The following TAFA1 variants were observed in gnomAD, a reference collection of about 807,000 sequenced individuals.
TAFA1 encodes chemokine-like protein TAFA-1.
TAFA1 carries 4 observed loss-of-function variants against 18.5 expected under a neutral mutation model. The observed-to-expected ratio is 0.22, with a 90% CI of 0.11 to 0.49. TAFA1 has a LOEUF of 0.49. Among genes scored for constraint, TAFA1 ranks in the 20% least tolerant of loss-of-function variants. The pLI, the probability that TAFA1 is intolerant of heterozygous loss-of-function variation, is 0.98. For missense variants in TAFA1, 147 were observed against 169.0 expected (o/e 0.87, Z 0.72); for synonymous variants, 56 against 55.2 (o/e 1.01, Z -0.06).
chr3:68,334,363 G>C (rs1031347683), intron 2 of TAFA1, among the ~76,000 whole-genome samples: 2 of 152,132 alleles, frequency 1.3e-5, no homozygotes, highest in Non-Finnish European at 2.9e-5. Context: ...TTTTGTTGTT[G>C]TTGTTGTTGT....
At chr3:68,229,612 T>A (rs1488769209) in intron 2 of TAFA1, among the ~76,000 whole-genome samples, 1 of 152,234 alleles carries the variant, frequency 6.6e-6, no homozygotes, top group Non-Finnish European at 1.5e-5. Context: ...AAGATGATTA[T>A]AACATAGTTG....
intron 3 of TAFA1, among the ~76,000 whole-genome samples, chr3:68,442,437 G>A (rs1357097337): frequency 1.3e-5 from 2 of 152,062 alleles, no homozygotes; most frequent in African/African-American, 2.4e-5. Flanking sequence ...ATTCATAAGG[G>A]CAGAGCACTC....
At chr3:68,053,426 T>A (rs1370955245) in intron 2 of TAFA1, among the ~76,000 whole-genome samples, 1 of 152,102 alleles carries the variant, frequency 6.6e-6, no homozygotes, top group African/African-American at 2.4e-5. Context: ...ACCTGTAGAG[T>A]CTGATGGTAC....
At chr3:68,316,649 A>G (rs2068610772) in intron 2 of TAFA1, among the ~76,000 whole-genome samples, 1 of 152,112 alleles carries the variant, frequency 6.6e-6, no homozygotes, top group South Asian at 2.1e-4. Flanking sequence ...TTAGATTCCA[A>G]TTTTTATAAC....
chr3:68,001,560 G>A (rs960730374), upstream of TAFA1, among the ~76,000 whole-genome samples: 1 of 150,080 alleles, frequency 6.7e-6, no homozygotes, highest in African/African-American at 2.5e-5. Flanking sequence ...CAGTAGTTGG[G>A]TTTTATTTTG....
intron 2 of TAFA1, among the ~76,000 whole-genome samples, chr3:68,271,867 T>A (rs952767072): frequency 2.0e-5 from 3 of 151,782 alleles, no homozygotes; most frequent in Non-Finnish European, 4.4e-5. Flanking sequence ...CACATTTAAA[T>A]ATATACAATG....
intron 3 of TAFA1, among the ~76,000 whole-genome samples, chr3:68,458,309 G>T (rs1308068823): frequency 1.3e-5 from 2 of 152,092 alleles, no homozygotes; most frequent in Non-Finnish European, 2.9e-5. Context: ...TGTACAGTCT[G>T]TGGAGCTATA....
chr3:68,333,147 C>T (rs991475263), intron 2 of TAFA1, among the ~76,000 whole-genome samples: 1 of 152,100 alleles, frequency 6.6e-6, no homozygotes, highest in Non-Finnish European at 1.5e-5. Flanking sequence ...AAATCCTATT[C>T]TTGGGTATAT....
intron 2 of TAFA1, among the ~76,000 whole-genome samples, chr3:68,307,254 G>T (rs1162239342): frequency 2.0e-5 from 3 of 152,058 alleles, no homozygotes; most frequent in Admixed American, 2.0e-4. Context: ...GTGTTTATTT[G>T]TACCTCATTT....
At chr3:68,032,606 C>T (rs1030737177) in intron 2 of TAFA1, among the ~76,000 whole-genome samples, 3 of 152,132 alleles carry the variant, frequency 2.0e-5, no homozygotes, top group Non-Finnish European at 2.9e-5. Context: ...CATGTTCATC[C>T]AGACTCCAAA....
chr3:68,360,820 A>T lies in TAFA1; in HGVS notation c.119-56460A>T, dbSNP rs185546453. Reference sequence around the variant, plus strand: ...AGCATTTTGACAACATAATGCAGCCATGAAAAAAGTTTGGTACTCTAATGA... The same window carrying T: ...AGCATTTTGACAACATAATGCAGCCTTGAAAAAAGTTTGGTACTCTAATGA... On this transcript the variant is annotated intron_variant, in intron 2 of 4. Coordinates refer to ENST00000478136, the MANE Select transcript of TAFA1 (RefSeq NM_213609.4). 4.1e-3 allele frequency among the ~76,000 whole-genome samples: 625 copies of T among 152,150 alleles called. 5 individuals carry two copies. Among genetic ancestry groups the T allele is most frequent in the Non-Finnish European group, 5.5e-3 (375 of 67,952 alleles).
intron 2 of TAFA1, among the ~76,000 whole-genome samples, chr3:68,270,871 T>C (rs1260332622): frequency 6.6e-6 from 1 of 152,172 alleles, no homozygotes; most frequent in Non-Finnish European, 1.5e-5. Context: ...ACATGAGCTT[T>C]TGTTTTTTAA....
intron 2 of TAFA1, among the ~76,000 whole-genome samples, chr3:68,097,051 G>C (rs1044482702): frequency 6.6e-6 from 1 of 152,068 alleles, no homozygotes; most frequent in South Asian, 2.1e-4. Context: ...TGAGCTGAGA[G>C]ATTTAATAAC....
intron 3 of TAFA1, among the ~76,000 whole-genome samples, chr3:68,467,539 C>T (rs2071911866): frequency 6.6e-6 from 1 of 152,060 alleles, no homozygotes; most frequent in African/African-American, 2.4e-5. Context: ...ATGTGAAGAC[C>T]ACTGCAAGGG....
intron 2 of TAFA1, among the ~76,000 whole-genome samples, chr3:68,299,831 A>T (rs967160715): frequency 7.5e-6 from 1 of 133,928 alleles, no homozygotes; most frequent in African/African-American, 3.2e-5. Context: ...TGCAAGTCAC[A>T]AGCCTTGGTG....
chr3:68,296,789 G>A (rs2068215930), intron 2 of TAFA1, among the ~76,000 whole-genome samples: 1 of 152,162 alleles, frequency 6.6e-6, no homozygotes, highest in Admixed American at 6.5e-5. Flanking sequence ...AAAAGATACA[G>A]ACATGGCTGC....
intron 2 of TAFA1, among the ~76,000 whole-genome samples, chr3:68,289,447 G>C (rs2068071952): frequency 7.5e-6 from 1 of 132,490 alleles, no homozygotes; most frequent in African/African-American, 2.8e-5. Context: ...TTCATAATTA[G>C]AGCTACATCT....
intron 3 of TAFA1, among the ~76,000 whole-genome samples, chr3:68,525,981 A>G (rs761140287): frequency 3.9e-5 from 6 of 152,152 alleles, no homozygotes; most frequent in Admixed American, 6.5e-5. Context: ...GTTGTGATTC[A>G]CTCAGCCACC....
intron 2 of TAFA1, among the ~76,000 whole-genome samples, chr3:68,175,254 A>G (rs1485397629): frequency 6.6e-6 from 1 of 152,220 alleles, no homozygotes; most frequent in Admixed American, 6.5e-5. Flanking sequence ...GCCCCAACAC[A>G]GAGTCCCTAC....
Sources: gnomAD v4.1 joint callset for allele counts (sites outside exome capture counted in the v4.1 genomes callset) on GRCh38, gnomAD v4.1.1 for gene constraint, MANE v1.5 for transcripts, NCBI Gene and HGNC (gene_info 2026-07-23, HGNC 2026-07-21) for gene names.